Variants in NAV2 observed in about 807,000 individuals in gnomAD.
NAV2 encodes the protein helicase, APC down-regulated 1.
NAV2 carries 54 observed loss-of-function variants against 223.2 expected under a neutral mutation model. That is an observed-to-expected ratio of 0.24 (90% CI 0.19 to 0.30). NAV2 has a LOEUF of 0.30. Among genes scored for constraint, NAV2 ranks in the 10% least tolerant of loss-of-function variants. The pLI is 1.00. For synonymous variants in NAV2, 1,279 were observed against 1,239.3 expected (o/e 1.03, Z -0.67); for missense variants, 2,806 against 3,147.5 (o/e 0.89, Z 2.60).
chr11:19,521,079 T>C (rs2043637452), intron 1 of NAV2, among the ~76,000 whole-genome samples: 1 of 152,102 alleles, frequency 6.6e-6, no homozygotes, highest in Non-Finnish European at 1.5e-5. Context: ...CAACAGCCAT[T>C]TGGCCATGAG....
intron 1 of NAV2, among the ~76,000 whole-genome samples, chr11:19,516,529 T>C (rs2043454051): frequency 6.6e-6 from 1 of 152,266 alleles, no homozygotes; most frequent in African/African-American, 2.4e-5. Context: ...ACAACTCATC[T>C]CTTTGTTACA....
chr11:20,021,600 C>T (rs530886304), intron 11 of NAV2, among the ~76,000 whole-genome samples: 2 of 152,142 alleles, frequency 1.3e-5, no homozygotes, highest in Non-Finnish European at 2.9e-5. Context: ...TTTGAAGCAT[C>T]CTTGTCAGCC....
intron 10 of NAV2, among the ~76,000 whole-genome samples, chr11:19,955,018 T>C (rs2449500): frequency 0.91 from 137,058 of 150,932 alleles, 62,320 homozygotes; most frequent in East Asian, 0.98. Flanking sequence ...CCAAACCTGT[T>C]GTAAGTTCTA....
chr11:19,424,299 C>G (rs1409122879), intron 1 of NAV2, among the ~76,000 whole-genome samples: 1 of 152,128 alleles, frequency 6.6e-6, no homozygotes, highest in Non-Finnish European at 1.5e-5. Context: ...TACTAGTTCT[C>G]TAAGTATTAT....
chr11:19,453,912 TG>T (rs1418685584), intron 1 of NAV2, among the ~76,000 whole-genome samples: 5 of 152,188 alleles, frequency 3.3e-5, no homozygotes, highest in Admixed American at 3.3e-4. Flanking sequence ...GCCTTTATGT[TG>T]GGGGAGGCCA....
chr11:19,778,858 A>G (rs1300129560), intron 1 of NAV2, among the ~76,000 whole-genome samples: 1 of 152,182 alleles, frequency 6.6e-6, no homozygotes, highest in Non-Finnish European at 1.5e-5. Context: ...TCCAAGCTGT[A>G]CCTGAGATGC....
At chr11:19,701,637 G>A (rs950586249) in intron 1 of NAV2, among the ~76,000 whole-genome samples, 1 of 152,216 alleles carries the variant, frequency 6.6e-6, no homozygotes, top group Non-Finnish European at 1.5e-5. Flanking sequence ...ATAAATGTGT[G>A]TGAATGTCTA....
At chr11:19,860,306 T>A (rs1322399086) in intron 3 of NAV2, among the ~76,000 whole-genome samples, 11 of 132,944 alleles carry the variant, frequency 8.3e-5, no homozygotes, top group Non-Finnish European at 1.3e-4. Context: ...GGCTCCTCAC[T>A]TCTCAGACAG....
intron 1 of NAV2, among the ~76,000 whole-genome samples, chr11:19,495,937 C>T (rs1052716882): frequency 5.9e-5 from 9 of 152,024 alleles, no homozygotes; most frequent in Admixed American, 2.0e-4. Flanking sequence ...ACAGAGGATG[C>T]GGGAGCAGGT....
Position 19,500,726 on chromosome 11 carries a change from T to C in NAV2, c.75+149699T>C, listed in dbSNP as rs764338604. Among the ~76,000 whole-genome samples the C allele has an allele frequency of 2.3e-4, 35 of 152,238 alleles. 1 individual carries two copies. The highest frequency in any genetic ancestry group is 1.8e-4 in the Non-Finnish European group (12 of 68,034). On this transcript the variant is annotated intron_variant, in intron 1 of 37. Transcript: ENST00000360655. ...TCTCTGCAATGCACTTTAAGACTTA[T>C]AAAACTTTCAGATGCTTTATCTAAT...
intron 1 of NAV2, chr11:19,504,769 C>T (rs1473547189): frequency 6.6e-6 from 1 of 152,162 alleles, no homozygotes; most frequent in African/African-American, 2.4e-5. Context: ...AGAGATAGCC[C>T]CTCCCCCTGG....
chr11:20,110,997 A>AT (rs1325052270), intron 36 of NAV2, among the ~76,000 whole-genome samples: 1 of 152,136 alleles, frequency 6.6e-6, no homozygotes, highest in Non-Finnish European at 1.5e-5. Flanking sequence ...TCATCAGGGG[A>AT]TGAGGATGGC....
intron 20 of NAV2, among the ~76,000 whole-genome samples, chr11:20,066,875 A>G (rs2059076743): frequency 6.6e-6 from 1 of 152,170 alleles, no homozygotes; most frequent in South Asian, 2.1e-4. Flanking sequence ...GGGTACAGCG[A>G]TGGGTAGAGA....
At chr11:19,516,207 C>T (rs1269565159) in intron 1 of NAV2, among the ~76,000 whole-genome samples, 1 of 152,198 alleles carries the variant, frequency 6.6e-6, no homozygotes, top group Non-Finnish European at 1.5e-5. Context: ...AGAACAGCTT[C>T]TACCACATGA....
At chr11:19,860,202 C>T (rs2061660119) in intron 3 of NAV2, among the ~76,000 whole-genome samples, 1 of 145,070 alleles carries the variant, frequency 6.9e-6, no homozygotes, top group African/African-American at 2.6e-5. Context: ...GACGGGGTGG[C>T]TGCCGGGCGG....
chr11:19,440,008 A>G (rs1189395858), intron 1 of NAV2, among the ~76,000 whole-genome samples: 1 of 152,246 alleles, frequency 6.6e-6, no homozygotes, highest in Non-Finnish European at 1.5e-5. Context: ...CCTTCAGCAA[A>G]ACGCCCATGT....
At chr11:19,488,330 C>T (rs562804296) in intron 1 of NAV2, among the ~76,000 whole-genome samples, 1 of 152,366 alleles carries the variant, frequency 6.6e-6, no homozygotes, top group Admixed American at 6.5e-5. Context: ...AATAACACTT[C>T]AGTGCATTTG....
intron 1 of NAV2, among the ~76,000 whole-genome samples, chr11:19,625,874 A>T (rs985173655): frequency 6.6e-6 from 1 of 151,472 alleles, no homozygotes; most frequent in Non-Finnish European, 1.5e-5. Flanking sequence ...TGTCCAGATC[A>T]TTTGCCTATT....
intron 10 of NAV2, among the ~76,000 whole-genome samples, chr11:19,975,751 AG>A (rs1692957070): frequency 6.6e-6 from 1 of 152,220 alleles, no homozygotes; most frequent in Admixed American, 6.5e-5. Flanking sequence ...CTTGCAATGT[AG>A]AAATCATTGT....
Sources: allele counts gnomAD v4.1 joint callset (sites outside exome capture counted in the v4.1 genomes callset), GRCh38; gene constraint gnomAD v4.1.1; transcripts MANE v1.5; gene names NCBI Gene and HGNC (gene_info 2026-07-23, HGNC 2026-07-21).